The following EPHB1 variants were observed in gnomAD, a reference collection of about 807,000 sequenced individuals.
The protein encoded by EPHB1 is EPH receptor B1, also known as ephrin type-B receptor 1.
Under a neutral mutation model 94.4 loss-of-function variants are expected in EPHB1, and 30 were observed. The observed-to-expected ratio is 0.32, with a 90% CI of 0.24 to 0.43. The LOEUF is 0.43. Among genes scored for constraint, EPHB1 ranks in the 20% least tolerant of loss-of-function variants. The pLI, the probability that EPHB1 is intolerant of heterozygous loss-of-function variation, is 1.00. For missense variants in EPHB1, 1,055 were observed against 1,308.3 expected (o/e 0.81, Z 2.99); for synonymous variants, 522 against 489.1 (o/e 1.07, Z -0.89).
chr3:134,927,421 A>G (rs2038816562), intron 2 of EPHB1, among the ~76,000 whole-genome samples: 1 of 152,238 alleles, frequency 6.6e-6, no homozygotes, highest in South Asian at 2.1e-4. Context: ...GAGCCAGACC[A>G]CACTGAACAA....
At chr3:134,962,804 C>A (rs1933572638) in intron 3 of EPHB1, among the ~76,000 whole-genome samples, 1 of 151,990 alleles carries the variant, frequency 6.6e-6, no homozygotes, top group Non-Finnish European at 1.5e-5. Flanking sequence ...CTCCTCCTGC[C>A]CCCTCTTCAT....
chr3:134,797,090 C>T (rs1029474837), intron 1 of EPHB1, among the ~76,000 whole-genome samples: 1 of 152,202 alleles, frequency 6.6e-6, no homozygotes, highest in African/African-American at 2.4e-5. Flanking sequence ...CTGGTGGCGG[C>T]GTGGGGGTGC....
At chr3:135,061,966 A>G (rs534179123) in intron 3 of EPHB1, among the ~76,000 whole-genome samples, 3 of 152,274 alleles carry the variant, frequency 2.0e-5, no homozygotes, top group African/African-American at 7.2e-5. Context: ...CATGGTGTGT[A>G]TGTGCCATAT....
chr3:135,150,727 T>C (rs1276343672), intron 5 of EPHB1, among the ~76,000 whole-genome samples: 1 of 152,208 alleles, frequency 6.6e-6, no homozygotes, highest in East Asian at 1.9e-4. Context: ...TTTCTATCTA[T>C]TGATTCTCTT....
intron 4 of EPHB1, among the ~76,000 whole-genome samples, chr3:135,116,940 G>A (rs965082602): frequency 5.3e-5 from 8 of 152,148 alleles, no homozygotes; most frequent in Admixed American, 6.5e-5. Flanking sequence ...TGTGGATGTC[G>A]CATGGATGCT....
chr3:135,035,823 G>A (rs1576334836), intron 3 of EPHB1, among the ~76,000 whole-genome samples: 1 of 152,214 alleles, frequency 6.6e-6, no homozygotes, highest in East Asian at 1.9e-4. Context: ...ACTGGCCCAT[G>A]TGGAGGGCTG....
chr3:135,057,541 A>G (rs1479759718), intron 3 of EPHB1, among the ~76,000 whole-genome samples: 2 of 151,744 alleles, frequency 1.3e-5, no homozygotes, highest in Non-Finnish European at 2.9e-5. Flanking sequence ...TTCCCTCTCT[A>G]TAGAGTCAGG....
intron 1 of EPHB1, among the ~76,000 whole-genome samples, chr3:134,860,086 C>T (rs577284924): frequency 2.0e-5 from 3 of 150,940 alleles, no homozygotes; most frequent in Non-Finnish European, 4.4e-5. Context: ...ATTTTTTGAA[C>T]ACTTTTTAGC....
intron 4 of EPHB1, among the ~76,000 whole-genome samples, chr3:135,128,015 A>C (rs1215227305): frequency 6.6e-6 from 1 of 152,230 alleles, no homozygotes; most frequent in Non-Finnish European, 1.5e-5. Flanking sequence ...CCCTTTAAAC[A>C]GAATGCATTC....
intron 1 of EPHB1, among the ~76,000 whole-genome samples, chr3:134,826,271 A>G (rs2036477056): frequency 6.7e-6 from 1 of 148,984 alleles, no homozygotes; most frequent in Non-Finnish European, 1.5e-5. Flanking sequence ...AAAAAAAGCA[A>G]TTGAAAATGT....
intron 10 of EPHB1, among the ~76,000 whole-genome samples, chr3:135,183,640 C>T (rs935914083): frequency 6.6e-6 from 1 of 152,090 alleles, no homozygotes; most frequent in Admixed American, 6.6e-5. Context: ...ATGTGTAGCC[C>T]TGGAGATGGG....
At chr3:134,851,840 T>C (rs11710344) in intron 1 of EPHB1, among the ~76,000 whole-genome samples, 15,298 of 152,288 alleles carry the variant, frequency 0.1, 757 homozygotes, top group African/African-American at 0.11. Flanking sequence ...AAAAATATTG[T>C]AATCTTCTTA....
intron 1 of EPHB1, among the ~76,000 whole-genome samples, chr3:134,831,142 G>GC (rs372931525): frequency 6.6e-6 from 1 of 152,184 alleles, no homozygotes; most frequent in African/African-American, 2.4e-5. Flanking sequence ...TCATAAGGGG[G>GC]CCATTCATTA....
intron 9 of EPHB1, among the ~76,000 whole-genome samples, chr3:135,170,041 T>C (rs1052953524): frequency 3.9e-5 from 6 of 152,202 alleles, no homozygotes; most frequent in Non-Finnish European, 8.8e-5. Context: ...CATGAACTTC[T>C]GGGGGTTGCA....
Position 135,133,042 on chromosome 3 carries a change from C to T in EPHB1, c.1290C>T (p.Asn430=). The T allele has an allele frequency of 6.3e-7, 1 of 1,586,198 alleles. No individual in the cohort carries two copies. Among genetic ancestry groups the T allele is most frequent in the Non-Finnish European group, 8.6e-7 (1 of 1,160,496 alleles). The change falls in exon 5 of 16, where the codon AAC becomes AAT. Residue 430 remains asparagine (N), a synonymous_variant. Coordinates refer to ENST00000398015, the MANE Select transcript of EPHB1 (RefSeq NM_004441.5). ...PQHVSVNITT[N]QAAPSTVPIM... ...ACGTCTCTGTCAACATCACCACAAA[C>T]CAAGCCGGTAAGTCTGGAGGCTTCT...
At chr3:135,222,716 T>A (rs1225002553) in intron 12 of EPHB1, among the ~76,000 whole-genome samples, 1 of 152,232 alleles carries the variant, frequency 6.6e-6, no homozygotes, top group Non-Finnish European at 1.5e-5. Flanking sequence ...ATTGGATTTT[T>A]AATTTGGATG....
intron 3 of EPHB1, among the ~76,000 whole-genome samples, chr3:135,003,213 C>G (rs555081131): frequency 4.2e-5 from 6 of 141,906 alleles, no homozygotes; most frequent in Non-Finnish European, 9.5e-5. Context: ...CATTTCGTTA[C>G]GTACCCAGTA....
chr3:134,974,962 T>A (rs1259955868), intron 3 of EPHB1, among the ~76,000 whole-genome samples: 1 of 152,080 alleles, frequency 6.6e-6, no homozygotes, highest in Non-Finnish European at 1.5e-5. Flanking sequence ...CCACTGCCCA[T>A]CCTCTCTGTG....
intron 2 of EPHB1, among the ~76,000 whole-genome samples, chr3:134,950,691 C>T (rs1204865968): frequency 7.2e-5 from 11 of 152,118 alleles, no homozygotes; most frequent in Non-Finnish European, 1.6e-4. Context: ...GGTGCTAAAC[C>T]GTTCATGAAG....
Sources: gnomAD v4.1 joint callset for allele counts (sites outside exome capture counted in the v4.1 genomes callset) on GRCh38, gnomAD v4.1.1 for gene constraint, MANE v1.5 for transcripts, NCBI Gene and HGNC (gene_info 2026-07-23, HGNC 2026-07-21) for gene names.